ENTREP2: variants seen among roughly 807,000 people sequenced by gnomAD.
ENTREP2 encodes protein ENTREP2.
At chr15:29,485,263 C>T in the ENTREP2 span, among the ~76,000 whole-genome samples, 1 of 152,042 alleles carries the variant, frequency 6.6e-6, no homozygotes, top group Non-Finnish European at 1.5e-5. Flanking sequence ...TTTCATCTAC[C>T]CAAATCCACC....
the ENTREP2 span, among the ~76,000 whole-genome samples, chr15:29,534,106 CAAAAAAAAAAAAAAAA>C: frequency 6.7e-5 from 3 of 44,930 alleles, no homozygotes; most frequent in East Asian, 9.1e-4. Flanking sequence ...GCCCCTTGGC[CAAAAAAAAAAAAAAAA>C]AAAAAAAAAA....
At chr15:29,360,800 C>T in the ENTREP2 span, among the ~76,000 whole-genome samples, 2 of 152,186 alleles carry the variant, frequency 1.3e-5, no homozygotes, top group African/African-American at 2.4e-5. Context: ...CCTATCACTC[C>T]TCTGGTCTGA....
At chr15:29,289,741 G>A in the ENTREP2 span, among the ~76,000 whole-genome samples, 260 of 152,164 alleles carry the variant, frequency 1.7e-3, 1 homozygote, top group African/African-American at 5.7e-3. Flanking sequence ...AGCTACTCAG[G>A]AGGCTGAGGC....
At chr15:29,358,247 CA>C in the ENTREP2 span, among the ~76,000 whole-genome samples, 1 of 152,196 alleles carries the variant, frequency 6.6e-6, no homozygotes, top group African/African-American at 2.4e-5. Context: ...ACTGCAACAA[CA>C]ATCAAAATAA....
At chr15:29,318,654 G>GCTA in the ENTREP2 span, among the ~76,000 whole-genome samples, 1 of 152,108 alleles carries the variant, frequency 6.6e-6, no homozygotes, top group African/African-American at 2.4e-5. Flanking sequence ...AAGATACAAT[G>GCTA]CTACTGCACA....
the ENTREP2 span, among the ~76,000 whole-genome samples, chr15:29,323,464 A>G: frequency 6.6e-6 from 1 of 152,092 alleles, no homozygotes; most frequent in African/African-American, 2.4e-5. Context: ...CTTACCCTAT[A>G]CATCTCCTCA....
At chr15:29,594,671 CTT>C in the ENTREP2 span, among the ~76,000 whole-genome samples, 5 of 152,082 alleles carry the variant, frequency 3.3e-5, no homozygotes, top group Admixed American at 1.3e-4. Context: ...AAAAAATAAA[CTT>C]TTGTGGGGGC....
At chr15:29,654,381 G>C in the ENTREP2 span, among the ~76,000 whole-genome samples, 3 of 152,160 alleles carry the variant, frequency 2.0e-5, no homozygotes, top group African/African-American at 7.2e-5. Context: ...TGCGGTTGGA[G>C]AATTCATATA....
chr15:29,657,763 C>G, the ENTREP2 span, among the ~76,000 whole-genome samples: 1 of 152,066 alleles, frequency 6.6e-6, no homozygotes, highest in Non-Finnish European at 1.5e-5. Context: ...AAAAGTTCCC[C>G]AAGTCTCCAC....
At chr15:29,642,715 C>T in the ENTREP2 span, among the ~76,000 whole-genome samples, 1,338 of 151,990 alleles carry the variant, frequency 8.8e-3, 26 homozygotes, top group African/African-American at 0.031. Flanking sequence ...CAGGTTCAAG[C>T]GATTCTTCTG....
At chr15:29,411,559 G>C in the ENTREP2 span, among the ~76,000 whole-genome samples, 3 of 152,254 alleles carry the variant, frequency 2.0e-5, no homozygotes, top group African/African-American at 7.2e-5. Flanking sequence ...TTGATTTGTG[G>C]GAGTTCACTA....
At chr15:29,128,918 A>G in the ENTREP2 span, 1 of 1,263,686 alleles carries the variant, frequency 7.9e-7, no homozygotes, top group South Asian at 1.3e-5. Context: ...AACGCAGCAC[A>G]GCAGCCTCCA....
chr15:29,398,594 C>T, the ENTREP2 span, among the ~76,000 whole-genome samples: 1 of 152,014 alleles, frequency 6.6e-6, no homozygotes, highest in Non-Finnish European at 1.5e-5. Flanking sequence ...TGTGGTGGCA[C>T]ATGGCTATAG....
the ENTREP2 span, among the ~76,000 whole-genome samples, chr15:29,564,524 G>A: frequency 3.9e-5 from 6 of 152,290 alleles, no homozygotes; most frequent in Non-Finnish European, 8.8e-5. Flanking sequence ...GATTCTCCAA[G>A]GCCTCTGCCA....
chr15:29,615,149 A>ATT, the ENTREP2 span, among the ~76,000 whole-genome samples: 1 of 146,526 alleles, frequency 6.8e-6, no homozygotes, highest in African/African-American at 2.5e-5. Context: ...TCTCTCACAA[A>ATT]TTTTTTTTTC....
At chr15:29,644,888 G>C in the ENTREP2 span, among the ~76,000 whole-genome samples, 1 of 151,490 alleles carries the variant, frequency 6.6e-6, no homozygotes, top group East Asian at 1.9e-4. Flanking sequence ...AAAGAAGTGG[G>C]TCCCAAAGTT....
the ENTREP2 span, among the ~76,000 whole-genome samples, chr15:29,648,920 C>A: frequency 6.7e-6 from 1 of 150,298 alleles, no homozygotes; most frequent in African/African-American, 2.5e-5. Flanking sequence ...GCCTGGGCAA[C>A]AAGAGCGAAA....
the ENTREP2 span, among the ~76,000 whole-genome samples, chr15:29,138,375 G>A: frequency 2.6e-5 from 4 of 152,208 alleles, no homozygotes; most frequent in Admixed American, 6.5e-5. Flanking sequence ...CACCTGTGGC[G>A]TGAGATGCCT....
chr15:29,383,621 G>A, the ENTREP2 span, among the ~76,000 whole-genome samples: 1 of 152,158 alleles, frequency 6.6e-6, no homozygotes, highest in African/African-American at 2.4e-5. Context: ...CCCGGGAGGA[G>A]GGCATGATGC....
Sources: allele counts gnomAD v4.1 joint callset (sites outside exome capture counted in the v4.1 genomes callset), GRCh38; gene constraint gnomAD v4.1.1; transcripts MANE v1.5; gene names NCBI Gene and HGNC (gene_info 2026-07-23, HGNC 2026-07-21).